The following MTMR14 variants were observed in gnomAD, a reference collection of about 807,000 sequenced individuals.
MTMR14 encodes myotubularin related protein 14.
MTMR14 carries 48 observed loss-of-function variants against 86.3 expected under a neutral mutation model. That is an observed-to-expected ratio of 0.56 (90% confidence interval 0.44 to 0.71). The LOEUF is 0.71. MTMR14 is among the 30% of genes least tolerant of loss of function. The pLI is 0.00. For synonymous variants in MTMR14, 366 were observed against 326.1 expected (o/e 1.12, Z -1.32); for missense variants, 780 against 834.6 (o/e 0.93, Z 0.81).
chr3:9,688,719 A>T lies in MTMR14; in HGVS notation c.1259A>T (p.Asp420Val), dbSNP rs2076042545. 1 of 1,614,000 alleles carries T rather than the reference A, an allele frequency of 6.2e-7. No individual in the cohort carries two copies. Among genetic ancestry groups the T allele is most frequent in the Admixed American group, 1.7e-5 (1 of 60,000 alleles). Reference protein sequence around the residue: ...TQRRKSLPARDGGFTLEDICM... With the variant: ...TQRRKSLPARVGGFTLEDICM... ...AGGAGGAAGAGTTTGCCAGCCCGGGATGGAGGCTTCACCCTGGAAGACATC... is the reference window on the plus strand; with the variant it reads ...AGGAGGAAGAGTTTGCCAGCCCGGGTTGGAGGCTTCACCCTGGAAGACATC... The change falls in exon 15 of 19, where the codon GAT becomes GTT. Residue 420 changes from aspartate (D) to valine (V), a missense_variant. Transcript: ENST00000296003.
At chr3:9,688,872 T>TG in intron 15 of MTMR14, 72 bp from the exon 16 acceptor site, 2 of 1,598,740 alleles carry the variant, frequency 1.3e-6, no homozygotes, top group Non-Finnish European at 1.7e-6. Flanking sequence ...CCCAGTTATG[T>TG]GGTATAGAAA....
intron 2 of MTMR14, among the ~76,000 whole-genome samples, chr3:9,662,041 T>C (rs2047969419): frequency 1.3e-5 from 2 of 151,826 alleles, no homozygotes; most frequent in African/African-American, 4.8e-5. Flanking sequence ...TGAGCCAAGA[T>C]TGCGCCACTG....
chr3:9,682,247 C>T (rs2075792701), intron 9 of MTMR14, among the ~76,000 whole-genome samples: 1 of 152,162 alleles, frequency 6.6e-6, no homozygotes. Context: ...TCAGAACTCT[C>T]CAGGGGCGTG....
intron 14 of MTMR14, 113 bp from the exon 15 acceptor site, chr3:9,688,583 C>T: frequency 8.0e-7 from 1 of 1,246,508 alleles, no homozygotes; most frequent in Non-Finnish European, 1.2e-6. Flanking sequence ...GGACCCGTCT[C>T]CACAAGTTGC....
chr3:9,649,858 GGAGA>G (rs140596074), intron 1 of MTMR14, 116 bp downstream of exon 1: 11 of 1,531,692 alleles, frequency 7.2e-6, no homozygotes, highest in Admixed American at 6.0e-5. Context: ...CTGAGGAAGA[GGAGA>G]GAGAGAGAGG....
rs756733484 is a variant in MTMR14, at chr3:9,649,725, G to A, written c.142G>A (p.Gly48Arg). 3 of 1,613,334 alleles carry A rather than the reference G, an allele frequency of 1.9e-6. No individual in the cohort carries two copies. The highest frequency in any genetic ancestry group is 2.2e-5 in the East Asian group (1 of 44,876). ...TCAGTACCGGGCCAAGGATGGCAGCGGGACCGGCGGCTCTAAGGTGAGATT... is the reference window on the plus strand; with the variant it reads ...TCAGTACCGGGCCAAGGATGGCAGCAGGACCGGCGGCTCTAAGGTGAGATT... ...RTQYRAKDGS[G>R]TGGSKVERIE... Residue 48 changes from glycine to arginine, a missense_variant, in exon 1 of 19, where the codon GGG becomes AGG. Physicochemically the swap from Gly to Arg is moderately radical, Grantham distance 125 (BLOSUM62 -2). Coordinates refer to ENST00000296003, the MANE Select transcript of MTMR14 (RefSeq NM_001077525.3).
At position 9,688,732 on chromosome 3, in the gene MTMR14, C is replaced by T. The variant is rs190282217; in HGVS notation, c.1272C>T (p.Thr424=). 105 of 1,614,182 alleles carry T rather than the reference C, an allele frequency of 6.5e-5. No individual in the cohort carries two copies. In the African/African-American group the frequency reaches 8.9e-4, roughly 14 times the overall value. The change falls in exon 15 of 19, where the codon ACC becomes ACT. Residue 424 remains threonine (T), a synonymous_variant. Transcript: ENST00000296003. ...TGCCAGCCCGGGATGGAGGCTTCAC[C>T]CTGGAAGACATCTGCATGCTGAGTG... ...KSLPARDGGF[T]LEDICMLRRK...
At position 9,660,273 on chromosome 3, in the gene MTMR14, TC is replaced by T. The variant is rs202014402; in HGVS notation, c.309-1989del. ...TACGGGCACTTTGCTTTTTTTTTTTTCCCCCAGACGGAGTCTCGCCCTTCGC... is the reference window on the plus strand; with the variant it reads ...TACGGGCACTTTGCTTTTTTTTTTTTCCCCAGACGGAGTCTCGCCCTTCGC... On this transcript the variant is annotated intron_variant, in intron 2 of 18. Transcript: ENST00000296003. Among the ~76,000 whole-genome samples the T allele has an allele frequency of 2.8e-3, 426 of 151,714 alleles. 1 individual carries two copies. Among genetic ancestry groups the T allele is most frequent in the African/African-American group, 9.8e-3 (407 of 41,406 alleles).
At chr3:9,686,785 TGA>T (rs773743681) in intron 13 of MTMR14, among the ~76,000 whole-genome samples, 3 of 152,176 alleles carry the variant, frequency 2.0e-5, no homozygotes, top group Non-Finnish European at 2.9e-5. Context: ...GGGATTTCTC[TGA>T]GAGAGGGGCT....
chr3:9,674,924 C>T (rs570420267), intron 7 of MTMR14, among the ~76,000 whole-genome samples: 13 of 152,196 alleles, frequency 8.5e-5, no homozygotes, highest in African/African-American at 2.9e-4. Flanking sequence ...CCAGCCTGAC[C>T]AACATGGAGA....
intron 1 of MTMR14, among the ~76,000 whole-genome samples, chr3:9,652,907 A>C (rs963915147): frequency 6.6e-6 from 1 of 152,076 alleles, no homozygotes; most frequent in Non-Finnish European, 1.5e-5. Context: ...GTGCCACTGC[A>C]CTCCAGCTTG....
rs759953370 is a variant in MTMR14, at chr3:9,671,121, T to C, written c.628T>C (p.Tyr210His). 6.8e-5 allele frequency: 110 copies of C among 1,614,106 alleles called. No individual in the cohort carries two copies. The highest frequency in any genetic ancestry group is 8.4e-5 in the Non-Finnish European group (99 of 1,180,046). ...GCTGCTTCGATACCTGTCAGTCAAA[T>C]ACATCTGTGACCTGATGGTGGAGAA... is the stretch of plus-strand genomic sequence containing the variant. ...IKLLRYLSVK[Y>H]ICDLMVENKK... Residue 210 changes from tyrosine (Y) to histidine (H), a missense_variant, in exon 6 of 19, where the codon TAC becomes CAC. By Grantham distance (83) the Tyr-to-His change is moderately conservative. Transcript: ENST00000296003.
intron 2 of MTMR14, among the ~76,000 whole-genome samples, chr3:9,659,380 A>G (rs950893634): frequency 3.3e-5 from 5 of 152,218 alleles, no homozygotes; most frequent in African/African-American, 9.6e-5. Context: ...CTGCAATAAA[A>G]GAATCCTAAG....
intron 1 of MTMR14, among the ~76,000 whole-genome samples, chr3:9,652,406 A>G (rs1417318799): frequency 6.6e-6 from 1 of 152,214 alleles, no homozygotes; most frequent in Non-Finnish European, 1.5e-5. Context: ...GAGACTTTGC[A>G]GCTTTTACTG....
At chr3:9,699,474 T>C (rs2076387176) in intron 18 of MTMR14, 1 of 152,230 alleles carries the variant, frequency 6.6e-6, no homozygotes. Flanking sequence ...TCAGAGTTGA[T>C]TCCTGTGAAG....
At position 9,689,989 on chromosome 3, in the gene MTMR14, C is replaced by A; in HGVS notation, c.1459C>A (p.Gln487Lys). ...GAGGAAGAGCCACTCATCCTCTCCA[C>A]AGAGTGTCCTCTGGAACCGGCCACA... Reference protein sequence around the residue: ...AWRKSHSSSPQSVLWNRPQPS... With the variant: ...AWRKSHSSSPKSVLWNRPQPS... The change falls in exon 17 of 19, where the codon CAG becomes AAG. Residue 487 changes from glutamine to lysine, a missense_variant. Transcript: ENST00000296003. 6.2e-7 allele frequency: 1 copy of A among 1,611,390 alleles called. No homozygotes were observed. The highest frequency in any genetic ancestry group is 1.1e-5 in the South Asian group (1 of 90,726).
At chr3:9,673,963 A>T (rs1559585405) in intron 7 of MTMR14, among the ~76,000 whole-genome samples, 1 of 152,090 alleles carries the variant, frequency 6.6e-6, no homozygotes, top group Non-Finnish European at 1.5e-5. Context: ...GATGATGATG[A>T]TGATGATAAT....
intron 4 of MTMR14, 54 bp from the exon 5 acceptor site, chr3:9,669,378 G>C: frequency 2.5e-6 from 4 of 1,590,866 alleles, no homozygotes; most frequent in South Asian, 1.1e-5. Flanking sequence ...GGAGGCCCCT[G>C]TGTGGAGCCC....
chr3:9,674,971 C>T (rs1185591701), intron 7 of MTMR14, among the ~76,000 whole-genome samples: 2 of 152,220 alleles, frequency 1.3e-5, no homozygotes, highest in Non-Finnish European at 2.9e-5. Flanking sequence ...ATTAGCCGGG[C>T]GCGGTGGCGC....
Sources: allele counts gnomAD v4.1 joint callset (sites outside exome capture counted in the v4.1 genomes callset), GRCh38; gene constraint gnomAD v4.1.1; transcripts MANE v1.5; gene names NCBI Gene and HGNC (gene_info 2026-07-23, HGNC 2026-07-21).